Variants in PSD3 observed in about 807,000 individuals in gnomAD.
PSD3 encodes the protein pleckstrin and Sec7 domain containing 3.
Under a neutral mutation model 105.5 loss-of-function variants are expected in PSD3, and 49 were observed. The observed-to-expected ratio is 0.46, with a 90% CI of 0.37 to 0.59. PSD3 has a LOEUF of 0.59. PSD3 is among the 20% of genes least tolerant of loss of function. The pLI, the probability that PSD3 is intolerant of heterozygous loss-of-function variation, is 0.00. For missense variants in PSD3, 1,561 were observed against 1,263.8 expected (o/e 1.24, Z -3.57); for synonymous variants, 557 against 457.8 (o/e 1.22, Z -2.77).
At chr8:18,811,355 A>T (rs189560945) in intron 4 of PSD3, among the ~76,000 whole-genome samples, 140 of 152,310 alleles carry the variant, frequency 9.2e-4, no homozygotes, top group African/African-American at 3.3e-3. Context: ...TCAATGATTC[A>T]ATGAATACGT....
intron 12 of PSD3, among the ~76,000 whole-genome samples, chr8:18,589,809 G>C (rs192968121): frequency 6.6e-6 from 1 of 152,148 alleles, no homozygotes; most frequent in Non-Finnish European, 1.5e-5. Context: ...GGAGCTGAAA[G>C]CAAAGGCTGT....
chr8:18,568,865 C>T (rs1801963330), intron 14 of PSD3, among the ~76,000 whole-genome samples: 2 of 151,024 alleles, frequency 1.3e-5, no homozygotes, highest in Non-Finnish European at 3.0e-5. Flanking sequence ...ACTCCCCCGA[C>T]CCCACAACAG....
intron 1 of PSD3, among the ~76,000 whole-genome samples, chr8:18,969,166 C>G (rs745573101): frequency 1.3e-5 from 2 of 152,084 alleles, no homozygotes; most frequent in African/African-American, 2.4e-5. Flanking sequence ...GAAATGCCTT[C>G]CAGAATGACT....
chr8:18,958,699 CCA>C (rs1208655851), intron 1 of PSD3, among the ~76,000 whole-genome samples: 2 of 151,858 alleles, frequency 1.3e-5, no homozygotes, highest in Non-Finnish European at 2.9e-5. Context: ...AAAGAAAAAC[CCA>C]TATGGTTAGC....
chr8:18,759,337 C>T (rs775172730), intron 9 of PSD3, among the ~76,000 whole-genome samples: 1 of 152,154 alleles, frequency 6.6e-6, no homozygotes, highest in African/African-American at 2.4e-5. Context: ...TCCAGTGACA[C>T]TGTCTTCTAA....
chr8:19,012,243 T>C (rs370589349), intron 1 of PSD3, among the ~76,000 whole-genome samples: 10 of 152,318 alleles, frequency 6.6e-5, no homozygotes, highest in African/African-American at 2.4e-4. Context: ...TATAAAAAGG[T>C]TGTGGAAGGA....
intron 15 of PSD3, among the ~76,000 whole-genome samples, chr8:18,552,412 T>C (rs1262527378): frequency 3.9e-5 from 6 of 152,220 alleles, no homozygotes; most frequent in Non-Finnish European, 7.3e-5. Flanking sequence ...TTTTTAAAGC[T>C]GAAGAAACAT....
intron 1 of PSD3, among the ~76,000 whole-genome samples, chr8:18,964,717 C>T (rs1896197): frequency 0.41 from 61,976 of 151,902 alleles, 12,893 homozygotes; most frequent in African/African-American, 0.43. Context: ...AAAGATCCTG[C>T]GTCTACCACT....
intron 9 of PSD3, among the ~76,000 whole-genome samples, chr8:18,762,083 G>A (rs1487460442): frequency 6.6e-6 from 1 of 152,150 alleles, no homozygotes; most frequent in Non-Finnish European, 1.5e-5. Flanking sequence ...CATGGTTTGT[G>A]TCCCCACCAA....
chr8:18,612,628 C>G (rs1805351936), intron 11 of PSD3, among the ~76,000 whole-genome samples: 1 of 152,104 alleles, frequency 6.6e-6, no homozygotes, highest in East Asian at 1.9e-4. Flanking sequence ...CCTCGGCCTC[C>G]CAAAGTGCTG....
intron 12 of PSD3, among the ~76,000 whole-genome samples, chr8:18,578,275 A>C (rs2130382442): frequency 6.6e-6 from 1 of 152,210 alleles, no homozygotes. Context: ...TCCCTTATGT[A>C]ACCATTCACT....
chr8:18,558,906 AT>A (rs1263793112), intron 14 of PSD3, among the ~76,000 whole-genome samples: 2 of 151,518 alleles, frequency 1.3e-5, no homozygotes, highest in Admixed American at 6.6e-5. Flanking sequence ...TTCTTTTGTA[AT>A]TTTTTTTTCA....
rs565613809 is a variant in PSD3 at position 19,000,522 on chromosome 8, C to T, written c.21+13041G>A. On this transcript the variant is annotated intron_variant, in intron 1 of 15. Coordinates refer to ENST00000327040, the MANE Select transcript of PSD3 (RefSeq NM_015310.4). Reference sequence around the variant, plus strand: ...GCCTTTATCTACTTCTATCAGAAGTCTCTGCCAGAAGGGAAAGAGCTGGGT... The same window carrying T: ...GCCTTTATCTACTTCTATCAGAAGTTTCTGCCAGAAGGGAAAGAGCTGGGT... The T allele has an allele frequency of 1.4e-3, 21 of 15,386 alleles. No individual in the cohort carries two copies. The East Asian group carries it at 0.23, about 170-fold the overall frequency. 1.0% of individuals were successfully genotyped at this position (15,386 alleles called of 1,614,324 possible).
At chr8:18,972,655 T>C (rs1018844646) in intron 1 of PSD3, among the ~76,000 whole-genome samples, 1 of 152,154 alleles carries the variant, frequency 6.6e-6, no homozygotes, top group Non-Finnish European at 1.5e-5. Flanking sequence ...GGAGCCCTCA[T>C]CAATGGGATC....
chr8:18,641,449 T>G lies in PSD3; in HGVS notation c.2217-8643A>C, dbSNP rs112931440. On this transcript the variant is annotated intron_variant, in intron 10 of 15. Transcript: ENST00000327040. The stretch of plus-strand genomic sequence containing the variant: ...ATACACAAAATATTGGCTAAAACAT[T>G]TTTTATAAAATACTATATGTCTCCA... Among the ~76,000 whole-genome samples, 980 of 152,262 alleles carry G rather than the reference T, an allele frequency of 6.4e-3. 12 individuals carry two copies. The highest frequency in any genetic ancestry group is 0.022 in the African/African-American group (934 of 41,544).
At chr8:18,955,178 T>C (rs1425234672) in intron 1 of PSD3, among the ~76,000 whole-genome samples, 3 of 152,172 alleles carry the variant, frequency 2.0e-5, no homozygotes, top group Non-Finnish European at 4.4e-5. Context: ...TCCCCCGGCA[T>C]CTCCTTCATT....
chr8:18,914,817 T>C (rs1450552079), intron 2 of PSD3, among the ~76,000 whole-genome samples: 1 of 152,188 alleles, frequency 6.6e-6, no homozygotes, highest in Non-Finnish European at 1.5e-5. Context: ...CACTTATAAA[T>C]ATTCTAATGG....
intron 10 of PSD3, among the ~76,000 whole-genome samples, chr8:18,641,591 G>T (rs746296959): frequency 6.6e-6 from 1 of 152,128 alleles, no homozygotes; most frequent in African/African-American, 2.4e-5. Flanking sequence ...GATAAACTAC[G>T]GTGGTTGTTA....
chr8:18,670,619 G>T lies in PSD3; in HGVS notation c.2173-14934C>A, dbSNP rs77964415. 8.8e-3 allele frequency among the ~76,000 whole-genome samples: 1,343 copies of T among 152,156 alleles called. 18 individuals are homozygous for T. Among genetic ancestry groups the T allele is most frequent in the African/African-American group, 0.03 (1,247 of 41,498 alleles). ...ACCTCAAGCACAAATAAAAAACTGG[G>T]TACAACGAACAGTTTCAACAGTAGC... On this transcript the variant is annotated intron_variant, in intron 9 of 15. Transcript: ENST00000327040.
Sources: gnomAD v4.1 joint callset for allele counts (sites outside exome capture counted in the v4.1 genomes callset) on GRCh38, gnomAD v4.1.1 for gene constraint, MANE v1.5 for transcripts, NCBI Gene and HGNC (gene_info 2026-07-23, HGNC 2026-07-21) for gene names.